Variants in CAGE1 observed in about 807,000 individuals in gnomAD.
CAGE1 encodes cancer-associated gene 1 protein.
Under a neutral mutation model 94.9 loss-of-function variants are expected in CAGE1, and 66 were observed. The ratio of observed to expected loss-of-function variants is 0.70; its 90% CI spans 0.57 to 0.85. CAGE1 has a LOEUF of 0.85. CAGE1 is among the 40% of genes least tolerant of loss of function. The pLI, the probability that CAGE1 is intolerant of heterozygous loss-of-function variation, is 0.00. For missense variants in CAGE1, 865 were observed against 950.4 expected (o/e 0.91, Z 1.18); for synonymous variants, 319 against 321.0 (o/e 0.99, Z 0.07).
chr6:7,369,373 CA>C (rs1760464507), intron 6 of CAGE1, among the ~76,000 whole-genome samples: 1 of 130,948 alleles, frequency 7.6e-6, no homozygotes, highest in South Asian at 2.4e-4. Flanking sequence ...ACAGAAGCAT[CA>C]TTTCCCCATC....
intron 11 of CAGE1, among the ~76,000 whole-genome samples, chr6:7,340,602 T>C (rs748865410): frequency 6.6e-5 from 10 of 152,156 alleles, no homozygotes; most frequent in Non-Finnish European, 8.8e-5. Context: ...ACTAAAAAGA[T>C]GCAAAGCTTC....
intron 13 of CAGE1, among the ~76,000 whole-genome samples, chr6:7,328,925 TATATATA>T (rs1561843926): frequency 1.2e-4 from 12 of 101,036 alleles, no homozygotes; most frequent in East Asian, 5.6e-4. Flanking sequence ...TGTGTATATA[TATATATA>T]TATTTTTTTT....
At chr6:7,355,215 A>T in intron 10 of CAGE1, 104 bp from the exon 11 acceptor site, 1 of 693,768 alleles carries the variant, frequency 1.4e-6, no homozygotes, top group Non-Finnish European at 2.4e-6. Flanking sequence ...TATTAATGAA[A>T]GTTTCATAAT....
chr6:7,350,705 G>T (rs1047009335), intron 11 of CAGE1, among the ~76,000 whole-genome samples: 1 of 152,106 alleles, frequency 6.6e-6, no homozygotes, highest in Non-Finnish European at 1.5e-5. Context: ...AAAATCCTTT[G>T]AACTCAACTA....
intron 4 of CAGE1, among the ~76,000 whole-genome samples, chr6:7,375,065 A>C (rs1760686992): frequency 1.3e-5 from 2 of 149,964 alleles, no homozygotes; most frequent in Admixed American, 1.3e-4. Context: ...AAACAAATAA[A>C]AATAAAAAAA....
intron 9 of CAGE1, among the ~76,000 whole-genome samples, chr6:7,360,715 G>A (rs563314682): frequency 5.3e-5 from 8 of 152,084 alleles, no homozygotes; most frequent in African/African-American, 1.2e-4. Flanking sequence ...AGGCCAAGGC[G>A]GGTGAATCAC....
chr6:7,358,678 A>C (rs375133783), intron 9 of CAGE1, among the ~76,000 whole-genome samples: 1 of 152,028 alleles, frequency 6.6e-6, no homozygotes, highest in East Asian at 1.9e-4. Flanking sequence ...CCAGCTCTAC[A>C]AAAAAAATTT....
rs766706755 is a variant in CAGE1 at position 7,336,962 on chromosome 6, T to C, written c.2370-2872A>G. Among the ~76,000 whole-genome samples, 75 of 152,368 alleles carry C rather than the reference T, an allele frequency of 4.9e-4. 1 individual carries two copies. The highest frequency in any genetic ancestry group is 8.8e-4 in the Non-Finnish European group (60 of 68,034). ...ATCTGGATAGAAGTTCTTTATTGGATACACGATTTACAAATATGTTCTTCC... is the reference window on the plus strand; with the variant it reads ...ATCTGGATAGAAGTTCTTTATTGGACACACGATTTACAAATATGTTCTTCC... On this transcript the variant is annotated intron_variant, in intron 11 of 13. Transcript: ENST00000502583.
intron 9 of CAGE1, among the ~76,000 whole-genome samples, chr6:7,360,025 GC>G (rs1409210687): frequency 6.6e-6 from 1 of 152,152 alleles, no homozygotes; most frequent in Admixed American, 6.5e-5. Context: ...TCTAAAGGCT[GC>G]CCACATCTTT....
At chr6:7,363,515 C>T (rs902698480) in intron 9 of CAGE1, among the ~76,000 whole-genome samples, 3 of 152,190 alleles carry the variant, frequency 2.0e-5, no homozygotes, top group African/African-American at 7.2e-5. Context: ...CCCTCTCCTT[C>T]CCTTCTCTCA....
chr6:7,359,865 T>C (rs1336347030), intron 9 of CAGE1, among the ~76,000 whole-genome samples: 1 of 152,188 alleles, frequency 6.6e-6, no homozygotes, highest in Non-Finnish European at 1.5e-5. Context: ...CTGCAACAAA[T>C]TACCACAAAC....
chr6:7,352,424 G>C (rs748824350), intron 11 of CAGE1, among the ~76,000 whole-genome samples: 1 of 151,736 alleles, frequency 6.6e-6, no homozygotes, highest in Non-Finnish European at 1.5e-5. Flanking sequence ...CACACCCCAT[G>C]CTCATGGATG....
chr6:7,374,244 C>A, intron 4 of CAGE1, 113 bp from the exon 5 acceptor site: 1 of 790,720 alleles, frequency 1.3e-6, no homozygotes, highest in Non-Finnish European at 2.0e-6. Flanking sequence ...TGGCTTTCTC[C>A]GCTATAAAGT....
intron 12 of CAGE1, 69 bp from the exon 13 acceptor site, chr6:7,329,957 C>T: frequency 3.0e-6 from 2 of 668,484 alleles, no homozygotes; most frequent in Non-Finnish European, 5.4e-6. Context: ...ACATGGTGAG[C>T]AAGTTGCCAT....
intron 11 of CAGE1, chr6:7,347,516 T>TAGGG (rs1759599496): frequency 1.3e-4 from 1 of 7,540 alleles, no homozygotes; most frequent in Non-Finnish European, 2.8e-4. Flanking sequence ...GGGGGGGGGT[T>TAGGG]GGGGGGGGCG....
chr6:7,342,030 T>C lies in CAGE1; in HGVS notation c.2370-7940A>G, dbSNP rs1201967560. 8.2e-6 allele frequency: 7 copies of C among 852,048 alleles called. No individual in the cohort carries two copies. The Admixed American group carries it at 1.0e-4, about 13-fold the overall frequency. The allele number at this position is 852,048 out of a possible 1,614,324, so 52.8% of individuals were successfully genotyped here. A position where few individuals can be genotyped will look rare whatever the true frequency, so the allele number is the denominator to read the frequency against. On this transcript the variant is annotated intron_variant, in intron 11 of 13. Coordinates refer to ENST00000502583, the MANE Select transcript of CAGE1 (RefSeq NM_001170692.2). Reference sequence around the variant, plus strand: ...TCAAGGTGTTCTTGTCCTTATGATATTTGTCTTTTTGGTAGGCATTGTAGT... The same window carrying C: ...TCAAGGTGTTCTTGTCCTTATGATACTTGTCTTTTTGGTAGGCATTGTAGT...
chr6:7,368,252 CAAA>C (rs57530544), intron 7 of CAGE1, among the ~76,000 whole-genome samples: 21 of 84,404 alleles, frequency 2.5e-4, no homozygotes, highest in Middle Eastern at 6.0e-3. Context: ...GACTCTGTCT[CAAA>C]AAAAAAAAAA....
rs1469208679 is a variant in CAGE1 at position 7,334,030 on chromosome 6, T to C, written c.2430A>G (p.Arg810=). The C allele has an allele frequency of 1.3e-6, 2 of 1,527,648 alleles. No individual in the cohort carries two copies. The allele number at this position is 1,527,648 out of a possible 1,614,324, so 94.6% of individuals were successfully genotyped here. A position where few individuals can be genotyped will look rare whatever the true frequency, so the allele number is the denominator to read the frequency against. ...AATAAAGGGAAACTTACCTTGGTTT[T>C]CTGGCTTTTTCTCTGGGCTTTCTAA... is the stretch of plus-strand genomic sequence containing the variant. ...DLIRKPREKA[R]KPRSKSLENH... The change falls in exon 12 of 14, where the codon AGA becomes AGG. Residue 810 remains arginine (R), a synonymous_variant. Transcript: ENST00000502583.
At chr6:7,338,897 G>C in intron 11 of CAGE1, 1 of 1,542,204 alleles carries the variant, frequency 6.5e-7, no homozygotes, top group Non-Finnish European at 8.8e-7. Context: ...CTTCTGTTCT[G>C]AGATGGGGGT....
Sources: gnomAD v4.1 joint callset for allele counts (sites outside exome capture counted in the v4.1 genomes callset) on GRCh38, gnomAD v4.1.1 for gene constraint, MANE v1.5 for transcripts, NCBI Gene and HGNC (gene_info 2026-07-23, HGNC 2026-07-21) for gene names.